Variants in TMEM106B observed in about 807,000 individuals in gnomAD.
The protein encoded by TMEM106B is transmembrane protein 106B.
A neutral mutation model predicts 31.1 loss-of-function variants in TMEM106B; 15 were observed. The ratio of observed to expected loss-of-function variants is 0.48; its 90% CI spans 0.32 to 0.74. The LOEUF (loss-of-function observed/expected upper bound fraction) is 0.74. Among genes scored for constraint, TMEM106B ranks in the 30% least tolerant of loss-of-function variants. The probability of loss-of-function intolerance (pLI) is 0.03; values close to 1 mark genes in which losing one functional copy is unlikely to be tolerated. For missense variants in TMEM106B, 283 were observed against 327.3 expected (o/e 0.86, Z 1.04); for synonymous variants, 126 against 112.5 (o/e 1.12, Z -0.76).
In TMEM106B at chr7:12,242,941, A is replaced by T. The variant is rs1410668225; in HGVS notation, c.*10966A>T. ...TTTATTGCCTATGTACCTATACTAG[A>T]ACATAGTAAACATGAGAACAGGGAA... On this transcript the variant is annotated 3_prime_UTR_variant, in exon 8 of 8. Transcript: ENST00000396668. The T allele has an allele frequency of 6.6e-6, 1 of 152,160 alleles. No homozygotes were observed. Among genetic ancestry groups the T allele is most frequent in the African/African-American group, 2.4e-5 (1 of 41,468 alleles). 9.4% of individuals were successfully genotyped at this position (152,160 alleles called of 1,614,324 possible). A position where few individuals can be genotyped will look rare whatever the true frequency, so the allele number is the denominator to read the frequency against.
In TMEM106B at chr7:12,241,737, A is replaced by G. The variant is rs1782240791; in HGVS notation, c.*9762A>G. ...ATGTGTGTATGTGTCTTTACAGTAAAATGATTTATAATCTTTTGGGTATAC... is the reference window on the plus strand; with the variant it reads ...ATGTGTGTATGTGTCTTTACAGTAAGATGATTTATAATCTTTTGGGTATAC... On this transcript the variant is annotated 3_prime_UTR_variant, in exon 8 of 8. Coordinates refer to ENST00000396668, the MANE Select transcript of TMEM106B (RefSeq NM_001134232.2). 2 of 152,132 alleles carry G rather than the reference A, an allele frequency of 1.3e-5. No individual in the cohort carries two copies. The highest frequency in any genetic ancestry group is 4.8e-5 in the African/African-American group (2 of 41,424). 9.4% of individuals were successfully genotyped at this position (152,132 alleles called of 1,614,324 possible). A position where few individuals can be genotyped will look rare whatever the true frequency, so the allele number is the denominator to read the frequency against.
chr7:12,224,841 T>C (rs10950395), intron 4 of TMEM106B, among the ~76,000 whole-genome samples: 76,701 of 151,550 alleles, frequency 0.51, 20,441 homozygotes, highest in African/African-American at 0.66. Flanking sequence ...GGTTTCTCTT[T>C]TGTAAATTAG....
Position 12,231,832 on chromosome 7 carries a change from T to C in TMEM106B, c.687-5T>C. On this transcript the variant is annotated splice_region_variant and splice_polypyrimidine_tract_variant and intron_variant, in intron 7 of 7. Coordinates refer to ENST00000396668, the MANE Select transcript of TMEM106B (RefSeq NM_001134232.2). The stretch of plus-strand genomic sequence containing the variant: ...AATGTCTCTCCTCACTTACATTATT[T>C]TTAGAGTTACTGTGACAACAACATA... The C allele has an allele frequency of 1.3e-6, 2 of 1,591,466 alleles. No individual in the cohort carries two copies. The highest frequency in any genetic ancestry group is 1.7e-6 in the Non-Finnish European group (2 of 1,164,988).
In TMEM106B at chr7:12,241,666, G is replaced by T. The variant is rs139600599; in HGVS notation, c.*9691G>T. 18,526 of 152,146 alleles carry T rather than the reference G, an allele frequency of 0.12. 1,285 individuals are homozygous for T. The highest frequency in any genetic ancestry group is 0.13 in the Non-Finnish European group (9,046 of 68,024). 9.4% of individuals were successfully genotyped at this position (152,146 alleles called of 1,614,324 possible). On this transcript the variant is annotated 3_prime_UTR_variant, in exon 8 of 8. Transcript: ENST00000396668. ...CAGTCTATCATTGATGGACATTTGG[G>T]TTGGTTCCAAGTCTTTACTATTGTG...
chr7:12,234,067 TTTA>T lies in TMEM106B; in HGVS notation c.*2097_*2099del, dbSNP rs1287745487. ...CATCCTGTCCTCATGTCCCATTTAC[TTTA>T]TTATCACCATTCATTTCTTCAAAAT... On this transcript the variant is annotated 3_prime_UTR_variant, in exon 8 of 8. Coordinates refer to ENST00000396668, the MANE Select transcript of TMEM106B (RefSeq NM_001134232.2). The T allele has an allele frequency of 6.6e-6, 1 of 151,848 alleles. No individual in the cohort carries two copies. Among genetic ancestry groups the T allele is most frequent in the Non-Finnish European group, 1.5e-5 (1 of 67,740 alleles). 9.4% of individuals were successfully genotyped at this position (151,848 alleles called of 1,614,324 possible).
At position 12,240,373 on chromosome 7, in the gene TMEM106B, T is replaced by G. The variant is rs946057522; in HGVS notation, c.*8398T>G. The G allele has an allele frequency of 2.0e-5, 3 of 152,202 alleles. No homozygotes were observed. In the South Asian group the frequency reaches 6.2e-4, roughly 31 times the overall value. The allele number at this position is 152,202 out of a possible 1,614,324, so 9.4% of individuals were successfully genotyped here. On this transcript the variant is annotated 3_prime_UTR_variant, in exon 8 of 8. Transcript: ENST00000396668. ...CTGAATGTTTTTTCTGAATGTTTAC[T>G]TTTAAAGGAGTTGCCCAGTCACAAA...
chr7:12,233,802 A>G lies in TMEM106B; in HGVS notation c.*1827A>G, dbSNP rs1168012711. 6.6e-6 allele frequency: 1 copy of G among 151,158 alleles called. No individual in the cohort carries two copies. Among genetic ancestry groups the G allele is most frequent in the African/African-American group, 2.4e-5 (1 of 41,220 alleles). The allele number at this position is 151,158 out of a possible 1,614,324, so 9.4% of individuals were successfully genotyped here. On this transcript the variant is annotated 3_prime_UTR_variant, in exon 8 of 8. Transcript: ENST00000396668. ...CTCATTTTCTCATTTGACATGATCT[A>G]TGTCTATATATGATATAGGTCCCCT...
At chr7:12,230,479 G>A in intron 6 of TMEM106B, 41 bp downstream of exon 6, 2 of 1,301,492 alleles carry the variant, frequency 1.5e-6, no homozygotes, top group Non-Finnish European at 2.2e-6. Context: ...GTCAAATAAT[G>A]AAGTGTATAA....
chr7:12,233,038 T>C lies in TMEM106B; in HGVS notation c.*1063T>C, dbSNP rs1008543905. ...TAGAAATTGTTCAAGAAATCCTTAA[T>C]TGAATGTCATTAAATGATGGTGGCC... On this transcript the variant is annotated 3_prime_UTR_variant, in exon 8 of 8. Transcript: ENST00000396668. 6.6e-6 allele frequency: 1 copy of C among 151,800 alleles called. No individual in the cohort carries two copies. Among genetic ancestry groups the C allele is most frequent in the African/African-American group, 2.4e-5 (1 of 41,422 alleles). 9.4% of individuals were successfully genotyped at this position (151,800 alleles called of 1,614,324 possible). A position where few individuals can be genotyped will look rare whatever the true frequency, so the allele number is the denominator to read the frequency against.
At chr7:12,219,253 A>G (rs113519583) in intron 3 of TMEM106B, among the ~76,000 whole-genome samples, 2 of 152,186 alleles carry the variant, frequency 1.3e-5, no homozygotes, top group African/African-American at 4.8e-5. Flanking sequence ...ACAGATTGAC[A>G]TATTAGGGAG....
chr7:12,212,703 G>A (rs917693711), intron 1 of TMEM106B, among the ~76,000 whole-genome samples: 1 of 152,082 alleles, frequency 6.6e-6, no homozygotes, highest in African/African-American at 2.4e-5. Context: ...GGTGAAGTCA[G>A]AGCCCTTAGT....
intron 3 of TMEM106B, among the ~76,000 whole-genome samples, chr7:12,221,978 T>C (rs998089947): frequency 1.3e-5 from 2 of 152,202 alleles, no homozygotes; most frequent in African/African-American, 4.8e-5. Flanking sequence ...TGTAATAAAA[T>C]TATAATATTT....
rs973318705 is a variant in TMEM106B, at chr7:12,232,519, G to C, written c.*544G>C. The C allele has an allele frequency of 6.6e-6, 1 of 152,146 alleles. No individual in the cohort carries two copies. Among genetic ancestry groups the C allele is most frequent in the Admixed American group, 6.6e-5 (1 of 15,234 alleles). The allele number at this position is 152,146 out of a possible 1,614,324, so 9.4% of individuals were successfully genotyped here. On this transcript the variant is annotated 3_prime_UTR_variant, in exon 8 of 8. Coordinates refer to ENST00000396668, the MANE Select transcript of TMEM106B (RefSeq NM_001134232.2). The stretch of plus-strand genomic sequence containing the variant: ...TCATTTGTTGAAATGGTAATCATCT[G>C]CATGTTTTTGTCACTTATTTCAGGT...
intron 3 of TMEM106B, among the ~76,000 whole-genome samples, chr7:12,219,370 G>A (rs558623173): frequency 2.0e-5 from 3 of 152,262 alleles, no homozygotes; most frequent in African/African-American, 2.4e-5. Flanking sequence ...GCAAAGCAAC[G>A]CTGGCATATT....
In TMEM106B at chr7:12,240,733, C is replaced by T. The variant is rs1223546815; in HGVS notation, c.*8758C>T. Reference sequence around the variant, plus strand: ...AGTGGTTTTTCAGAATTTTTTAAAGCTTGTGAAATACTTATTTGTAAATAG... The same window carrying T: ...AGTGGTTTTTCAGAATTTTTTAAAGTTTGTGAAATACTTATTTGTAAATAG... On this transcript the variant is annotated 3_prime_UTR_variant, in exon 8 of 8. Coordinates refer to ENST00000396668, the MANE Select transcript of TMEM106B (RefSeq NM_001134232.2). The T allele has an allele frequency of 6.7e-6, 1 of 149,946 alleles. No homozygotes were observed. Among genetic ancestry groups the T allele is most frequent in the East Asian group, 2.0e-4 (1 of 5,118 alleles). 9.3% of individuals were successfully genotyped at this position (149,946 alleles called of 1,614,324 possible). A position where few individuals can be genotyped will look rare whatever the true frequency, so the allele number is the denominator to read the frequency against.
At chr7:12,218,295 T>C (rs1781726435) in intron 2 of TMEM106B, among the ~76,000 whole-genome samples, 163 bp from the exon 3 acceptor site, 1 of 151,526 alleles carries the variant, frequency 6.6e-6, no homozygotes, top group African/African-American at 2.4e-5. Flanking sequence ...CGCTGTCTTC[T>C]CTAGAACTTC....
Position 12,224,076 on chromosome 7 carries a change from C to G in TMEM106B, c.282-150C>G, listed in dbSNP as rs1240149088. 7.1e-6 allele frequency: 5 copies of G among 705,254 alleles called. No homozygotes were observed. The African/African-American group carries it at 8.9e-5, about 12-fold the overall frequency. The allele number at this position is 705,254 out of a possible 1,614,324, so 43.7% of individuals were successfully genotyped here. On this transcript the variant is annotated intron_variant, in intron 3 of 7. Coordinates refer to ENST00000396668, the MANE Select transcript of TMEM106B (RefSeq NM_001134232.2). ...TTAATAGACTCAGACTCAACCATAC[C>G]CAATACTTTCAGATGTGAAAATTTG...
intron 2 of TMEM106B, among the ~76,000 whole-genome samples, chr7:12,217,479 C>T (rs1781710297): frequency 6.6e-6 from 1 of 152,124 alleles, no homozygotes; most frequent in Admixed American, 6.5e-5. Context: ...TGCTACTTGA[C>T]ATGAGTGATC....
rs1782205473 is a variant in TMEM106B at position 12,239,644 on chromosome 7, A to G, written c.*7669A>G. ...CCTTTTACTTGAACAGTTAGAGGCT[A>G]TTGTAGGATTATTAATTGGCCTAAT... On this transcript the variant is annotated 3_prime_UTR_variant, in exon 8 of 8. Transcript: ENST00000396668. 6.6e-6 allele frequency: 1 copy of G among 152,098 alleles called. No homozygotes were observed. The highest frequency in any genetic ancestry group is 1.5e-5 in the Non-Finnish European group (1 of 68,008). The allele number at this position is 152,098 out of a possible 1,614,324, so 9.4% of individuals were successfully genotyped here. A position where few individuals can be genotyped will look rare whatever the true frequency, so the allele number is the denominator to read the frequency against.
Sources: gnomAD v4.1 joint callset for allele counts (sites outside exome capture counted in the v4.1 genomes callset) on GRCh38, gnomAD v4.1.1 for gene constraint, MANE v1.5 for transcripts, NCBI Gene and HGNC (gene_info 2026-07-23, HGNC 2026-07-21) for gene names.